The following RUNX2 variants were observed in gnomAD, a reference collection of about 807,000 sequenced individuals.
RUNX2 encodes the protein runt-related transcription factor 2.
Under a neutral mutation model 51.7 loss-of-function variants are expected in RUNX2, and 10 were observed. The ratio of observed to expected loss-of-function variants is 0.19; its 90% CI spans 0.12 to 0.33. The LOEUF is 0.33. RUNX2 is among the 10% of genes least tolerant of loss of function. RUNX2 has a pLI of 1.00. For missense variants in RUNX2, 562 were observed against 691.3 expected, an observed-to-expected ratio of 0.81 and a Z score of 2.10; for synonymous variants, 276 against 273.6, an observed-to-expected ratio of 1.01 and a Z score of -0.09.
At chr6:45,535,251 T>TA (rs34539824) in intron 7 of RUNX2, among the ~76,000 whole-genome samples, 15,583 of 150,680 alleles carry the variant, frequency 0.1, 980 homozygotes, top group Non-Finnish European at 0.15. Context: ...AAAGTTAAAT[T>TA]AAAAAAAAAG....
At chr6:45,338,895 G>T (rs1171047140) in intron 2 of RUNX2, among the ~76,000 whole-genome samples, 1 of 151,998 alleles carries the variant, frequency 6.6e-6, no homozygotes, top group Non-Finnish European at 1.5e-5. Flanking sequence ...TGTGCCCTAG[G>T]CACTTTGCTT....
chr6:45,431,205 T>G (rs1304159853), intron 3 of RUNX2, among the ~76,000 whole-genome samples: 1 of 152,164 alleles, frequency 6.6e-6, no homozygotes, highest in Middle Eastern at 3.2e-3. Flanking sequence ...GTATATATTG[T>G]TTTTTTCTTA....
chr6:45,529,870 G>A (rs1001335279), intron 7 of RUNX2, among the ~76,000 whole-genome samples: 1 of 152,168 alleles, frequency 6.6e-6, no homozygotes, highest in East Asian at 1.9e-4. Flanking sequence ...CTTCAGATGA[G>A]TGGCTGGACT....
rs372816751 is a variant in RUNX2, at chr6:45,413,846, C to T, written c.59-8747C>T. Among the ~76,000 whole-genome samples the T allele has an allele frequency of 3.5e-3, 538 of 152,220 alleles. 5 individuals carry two copies. Among genetic ancestry groups the T allele is most frequent in the African/African-American group, 0.012 (510 of 41,528 alleles). ...TGAAGCAAGGAAGCCTGAAATCACT[C>T]GGTAAGTTCTCAATACCCACAGACC... On this transcript the variant is annotated intron_variant, in intron 2 of 8. Coordinates refer to ENST00000647337, the MANE Select transcript of RUNX2 (RefSeq NM_001024630.4).
intron 2 of RUNX2, among the ~76,000 whole-genome samples, chr6:45,415,185 C>A (rs567616226): frequency 4.7e-4 from 71 of 152,132 alleles, no homozygotes; most frequent in African/African-American, 1.6e-3. Context: ...ACAGAGAAAC[C>A]ATATAGTAAT....
chr6:45,400,739 A>G (rs1177483545), intron 2 of RUNX2, among the ~76,000 whole-genome samples: 1 of 152,194 alleles, frequency 6.6e-6, no homozygotes, highest in Non-Finnish European at 1.5e-5. Context: ...GAAAGACACC[A>G]TCTTCACAAA....
chr6:45,449,308 T>A (rs1272272403), intron 5 of RUNX2, among the ~76,000 whole-genome samples: 1 of 152,226 alleles, frequency 6.6e-6, no homozygotes, highest in Non-Finnish European at 1.5e-5. Context: ...TTGGCACACA[T>A]GAAGGGCAGC....
chr6:45,533,830 A>G (rs139416567), intron 7 of RUNX2, among the ~76,000 whole-genome samples: 53 of 151,416 alleles, frequency 3.5e-4, no homozygotes, highest in African/African-American at 1.2e-3. Flanking sequence ...AAAAATATCA[A>G]TTGAAATGTG....
intron 6 of RUNX2, among the ~76,000 whole-genome samples, chr6:45,501,019 G>A (rs1009629418): frequency 4.6e-5 from 7 of 152,214 alleles, no homozygotes; most frequent in African/African-American, 1.2e-4. Flanking sequence ...CCGTGTGTTC[G>A]TTCAGGTGGG....
chr6:45,353,315 A>G (rs557159515), intron 2 of RUNX2, among the ~76,000 whole-genome samples: 1 of 152,222 alleles, frequency 6.6e-6, no homozygotes, highest in South Asian at 2.1e-4. Flanking sequence ...ATCTGGAAAA[A>G]TAAAAATAGG....
At chr6:45,379,329 T>C (rs1184727868) in intron 2 of RUNX2, among the ~76,000 whole-genome samples, 1 of 152,228 alleles carries the variant, frequency 6.6e-6, no homozygotes, top group Admixed American at 6.5e-5. Flanking sequence ...GGAAGACTGG[T>C]TGAAAGCTCT....
intron 5 of RUNX2, among the ~76,000 whole-genome samples, chr6:45,456,934 G>A (rs900723638): frequency 6.6e-6 from 1 of 152,170 alleles, no homozygotes; most frequent in Non-Finnish European, 1.5e-5. Context: ...TGGTTAGTAT[G>A]ATTCAAATCA....
At chr6:45,380,120 CA>C (rs1415931002) in intron 2 of RUNX2, among the ~76,000 whole-genome samples, 1 of 152,154 alleles carries the variant, frequency 6.6e-6, no homozygotes, top group African/African-American at 2.4e-5. Flanking sequence ...TTGCTATATA[CA>C]AAGGGCCAAA....
rs1295577573 is a variant in RUNX2, at chr6:45,547,881, T to G, written c.*576T>G. On this transcript the variant is annotated 3_prime_UTR_variant, in exon 9 of 9. Transcript: ENST00000647337. ...TTCAGACATGCTGCAGGTCCTCATC[T>G]GAACTGTTGGGTTCGTTTTTTTTTT... 3 of 153,920 alleles carry G rather than the reference T, an allele frequency of 1.9e-5. No individual in the cohort carries two copies. Among genetic ancestry groups the G allele is most frequent in the Non-Finnish European group, 4.3e-5 (3 of 69,818 alleles). 9.5% of individuals were successfully genotyped at this position (153,920 alleles called of 1,614,324 possible).
intron 5 of RUNX2, among the ~76,000 whole-genome samples, chr6:45,468,472 A>T (rs1267932580): frequency 6.6e-6 from 1 of 152,228 alleles, no homozygotes; most frequent in Non-Finnish European, 1.5e-5. Context: ...ATGCAGGTGC[A>T]TATTAGTAAC....
Position 45,422,834 on chromosome 6 carries a change from C to T in RUNX2, c.300C>T (p.Arg100=), listed in dbSNP as rs1304152411. The change falls in exon 3 of 9, where the codon CGC becomes CGT. Residue 100 remains arginine, a synonymous_variant. Transcript: ENST00000647337. ...VPRLRPPHDN[R]TMVEIIADHP... ...GGTTGCGGCCGCCCCACGACAACCG[C>T]ACCATGGTGGAGATCATCGCCGACC... The T allele has an allele frequency of 1.2e-6, 2 of 1,608,990 alleles. No individual in the cohort carries two copies. Among genetic ancestry groups the T allele is most frequent in the Admixed American group, 3.3e-5 (2 of 59,816 alleles).
At chr6:45,447,900 A>G (rs1799047903) in intron 5 of RUNX2, among the ~76,000 whole-genome samples, 1 of 152,210 alleles carries the variant, frequency 6.6e-6, no homozygotes, top group Non-Finnish European at 1.5e-5. Context: ...TGCTGCCAAC[A>G]TGCGGTGATG....
intron 7 of RUNX2, among the ~76,000 whole-genome samples, chr6:45,538,267 A>G (rs947423084): frequency 6.6e-6 from 1 of 152,180 alleles, no homozygotes; most frequent in Non-Finnish European, 1.5e-5. Context: ...TTTAGTTTGC[A>G]ATTTTTAAAA....
At chr6:45,533,949 CA>C (rs1229836030) in intron 7 of RUNX2, among the ~76,000 whole-genome samples, 1 of 137,870 alleles carries the variant, frequency 7.3e-6, no homozygotes, top group Non-Finnish European at 1.5e-5. Context: ...GGCTGGAGTG[CA>C]GTGGCTCGAT....
Sources: gnomAD v4.1 joint callset for allele counts (sites outside exome capture counted in the v4.1 genomes callset) on GRCh38, gnomAD v4.1.1 for gene constraint, MANE v1.5 for transcripts, NCBI Gene and HGNC (gene_info 2026-07-23, HGNC 2026-07-21) for gene names.